TMEM196: variants seen among roughly 807,000 people sequenced by gnomAD.
TMEM196 encodes transmembrane protein 196.
Under a neutral mutation model 20.0 loss-of-function variants are expected in TMEM196, and 17 were observed. That is an observed-to-expected ratio of 0.85 (90% CI 0.58 to 1.27). TMEM196 has a LOEUF of 1.27. Ranked by LOEUF, TMEM196 falls within the 50% of genes most tolerant of loss-of-function variation. The pLI, the probability that TMEM196 is intolerant of heterozygous loss-of-function variation, is 0.00. For missense variants in TMEM196, 267 were observed against 223.0 expected (o/e 1.20, Z -1.26); for synonymous variants, 113 against 88.9 (o/e 1.27, Z -1.52).
rs368789087 is a variant in TMEM196 at position 19,722,101 on chromosome 7, G to C, written c.*27C>G. 6.2e-7 allele frequency: 1 copy of C among 1,610,216 alleles called. No individual in the cohort carries two copies. Among genetic ancestry groups the C allele is most frequent in the Non-Finnish European group, 8.5e-7 (1 of 1,178,262 alleles). On this transcript the variant is annotated 3_prime_UTR_variant, in exon 5 of 5. Transcript: ENST00000405844. ...TACACTCTTCCATTAAATATCAGCTGTGGTCCTCCATTGCTCATGTTGTCT... is the reference window on the plus strand; with the variant it reads ...TACACTCTTCCATTAAATATCAGCTCTGGTCCTCCATTGCTCATGTTGTCT...
chr7:19,733,380 C>T (rs1784280894), intron 1 of TMEM196, among the ~76,000 whole-genome samples: 1 of 152,094 alleles, frequency 6.6e-6, no homozygotes, highest in African/African-American at 2.4e-5. Context: ...GGTTGAGATT[C>T]CAAGACAATG....
At chr7:19,771,554 T>G (rs1402457571) in intron 1 of TMEM196, among the ~76,000 whole-genome samples, 3 of 152,244 alleles carry the variant, frequency 2.0e-5, no homozygotes, top group Non-Finnish European at 4.4e-5. Flanking sequence ...TGGTTAAACA[T>G]GCTACAGATT....
rs1462088749 is a variant in TMEM196, at chr7:19,720,417, T to A, written c.*1711A>T. The A allele has an allele frequency of 3.9e-5, 6 of 152,048 alleles. No homozygotes were observed. The highest frequency in any genetic ancestry group is 1.4e-4 in the African/African-American group (6 of 41,444). The allele number at this position is 152,048 out of a possible 1,614,324, so 9.4% of individuals were successfully genotyped here. ...TGTTAGCACAATTAAAACTCATGTT[T>A]TGTTTATAAATTATATTCTCATACT... On this transcript the variant is annotated 3_prime_UTR_variant, in exon 5 of 5. Transcript: ENST00000405844.
At position 19,725,730 on chromosome 7, in the gene TMEM196, A is replaced by G. The variant is rs774657594; in HGVS notation, c.243T>C (p.Ile81=). 3 of 1,613,038 alleles carry G rather than the reference A, an allele frequency of 1.9e-6. No homozygotes were observed. The highest frequency in any genetic ancestry group is 4.5e-5 in the East Asian group (2 of 44,846). Residue 81 remains isoleucine, a synonymous_variant, in exon 3 of 5, where the codon ATT becomes ATC. Coordinates refer to ENST00000405844, the MANE Select transcript of TMEM196 (RefSeq NM_001363562.2). The part of the protein sequence containing the change: ...LFSACCICGL[I]GGILNFQFLR... ...GGAACTGAAAATTCAGGATGCCCCC[A>G]ATAAGTCCACAGATACAGCAGGCTG...
chr7:19,722,716 C>A lies in TMEM196; in HGVS notation c.534-582G>T, dbSNP rs78235307. On this transcript the variant is annotated intron_variant, in intron 4 of 4. Coordinates refer to ENST00000405844, the MANE Select transcript of TMEM196 (RefSeq NM_001363562.2). ...GTCTCTTAACATGTTTTTAATGGAT[C>A]AATTACTAAAAAGTTAATAAGTAAA... is the stretch of plus-strand genomic sequence containing the variant. Among the ~76,000 whole-genome samples, 7 of 152,130 alleles carry A rather than the reference C, an allele frequency of 4.6e-5. No homozygotes were observed. The East Asian group carries it at 1.4e-3, about 29-fold the overall frequency.
chr7:19,739,187 A>G (rs1483304860), intron 1 of TMEM196, among the ~76,000 whole-genome samples: 2 of 152,296 alleles, frequency 1.3e-5, no homozygotes, highest in East Asian at 3.9e-4. Flanking sequence ...AAGTGAAACT[A>G]TCATTATTTG....
chr7:19,726,788 C>A (rs1187250138), intron 2 of TMEM196, among the ~76,000 whole-genome samples: 1 of 152,006 alleles, frequency 6.6e-6, no homozygotes, highest in Non-Finnish European at 1.5e-5. Context: ...GGTCTAAATT[C>A]TTCTATGGGC....
chr7:19,757,654 T>G lies in TMEM196; in HGVS notation c.147+14896A>C, dbSNP rs1382372446. 2.6e-5 allele frequency among the ~76,000 whole-genome samples: 4 copies of G among 152,238 alleles called. No individual in the cohort carries two copies. In the East Asian group the frequency reaches 7.7e-4, roughly 29 times the overall value. ...TAGCTTGGCTGGAGCTGAAAAGACA[T>G]TAGCAAAATCATGAGTTAAAGTTAC... is the stretch of plus-strand genomic sequence containing the variant. On this transcript the variant is annotated intron_variant, in intron 1 of 4. Transcript: ENST00000405844.
rs761269663 is a variant in TMEM196, at chr7:19,724,323, G to A, written c.490C>T (p.Pro164Ser). ...GTCGGGGGCACCACCGGGCAGCTGG[G>A]CAAGTCGGTTATTTCAATAGCCCTC... is the stretch of plus-strand genomic sequence containing the variant. ...RLRAIEITDL[P>S]SCPVVPPTPE... Residue 164 changes from proline to serine, a missense_variant, in exon 4 of 5, where the codon CCC becomes TCC. Pro to Ser is a moderately conservative substitution (Grantham distance 74). Coordinates refer to ENST00000405844, the MANE Select transcript of TMEM196 (RefSeq NM_001363562.2). 1.3e-6 allele frequency: 2 copies of A among 1,550,328 alleles called. No individual in the cohort carries two copies. Among genetic ancestry groups the A allele is most frequent in the South Asian group, 1.2e-5 (1 of 84,052 alleles).
At position 19,722,131 on chromosome 7, in the gene TMEM196, T is replaced by C. The variant is rs151111372; in HGVS notation, c.537A>G (p.Lys179=). 5.0e-6 allele frequency: 8 copies of C among 1,607,710 alleles called. No homozygotes were observed. The African/African-American group carries it at 6.7e-5, about 13-fold the overall frequency. ...CCTCCATTGCTCATGTTGTCTGTTA[T>C]TTCCTGTTAGAAAAATGACATGATT... The part of the protein sequence containing the change: ...VPPTPELPTR[K] The change falls in exon 5 of 5, where the codon AAA becomes AAG. Residue 179 remains lysine (K), a synonymous_variant. Transcript: ENST00000405844.
intron 1 of TMEM196, among the ~76,000 whole-genome samples, chr7:19,761,936 G>A (rs1487400687): frequency 6.6e-6 from 1 of 152,158 alleles, no homozygotes; most frequent in African/African-American, 2.4e-5. Context: ...TTCATGTAAT[G>A]AAGCTTTCTT....
chr7:19,759,965 C>A (rs942926620), intron 1 of TMEM196, among the ~76,000 whole-genome samples: 2 of 152,122 alleles, frequency 1.3e-5, no homozygotes, highest in Non-Finnish European at 2.9e-5. Context: ...CCAGAATGAC[C>A]TTTATAATCT....
chr7:19,758,656 C>G (rs891062225), intron 1 of TMEM196, among the ~76,000 whole-genome samples: 62 of 152,162 alleles, frequency 4.1e-4, no homozygotes, highest in Non-Finnish European at 5.7e-4. Flanking sequence ...TTGCATGACT[C>G]AATTATAATT....
intron 1 of TMEM196, among the ~76,000 whole-genome samples, chr7:19,731,422 A>G (rs766932079): frequency 7.2e-5 from 11 of 152,116 alleles, no homozygotes; most frequent in Non-Finnish European, 1.2e-4. Context: ...TTCATCTCAC[A>G]TTTTTGAAGG....
In TMEM196 at chr7:19,762,019, A is replaced by T. The variant is rs548970308; in HGVS notation, c.147+10531T>A. Among the ~76,000 whole-genome samples, 33 of 152,154 alleles carry T rather than the reference A, an allele frequency of 2.2e-4. 1 individual carries two copies. The highest frequency in any genetic ancestry group is 1.6e-3 in the Admixed American group (25 of 15,276). Reference sequence around the variant, plus strand: ...ATCGTTTTTTCTTTTTTAAAAAATTATCTCTTGAATATTTTGAGCATGCTA... The same window carrying T: ...ATCGTTTTTTCTTTTTTAAAAAATTTTCTCTTGAATATTTTGAGCATGCTA... On this transcript the variant is annotated intron_variant, in intron 1 of 4. Coordinates refer to ENST00000405844, the MANE Select transcript of TMEM196 (RefSeq NM_001363562.2).
At chr7:19,748,080 C>A (rs974011100) in intron 1 of TMEM196, among the ~76,000 whole-genome samples, 3 of 151,634 alleles carry the variant, frequency 2.0e-5, no homozygotes, top group Non-Finnish European at 2.9e-5. Context: ...TGGTCTCTCC[C>A]ATGCATATTT....
intron 1 of TMEM196, among the ~76,000 whole-genome samples, chr7:19,731,676 G>A (rs2128017224): frequency 6.6e-6 from 1 of 152,282 alleles, no homozygotes; most frequent in East Asian, 1.9e-4. Flanking sequence ...CCCAAGAGGT[G>A]GTCAGGAGCA....
intron 1 of TMEM196, among the ~76,000 whole-genome samples, chr7:19,768,447 A>G (rs955349332): frequency 7.2e-5 from 11 of 152,092 alleles, no homozygotes; most frequent in African/African-American, 2.7e-4. Flanking sequence ...TCTGTGTGCT[A>G]CTAAACCTAG....
At chr7:19,736,398 T>A (rs1044941661) in intron 1 of TMEM196, among the ~76,000 whole-genome samples, 2 of 103,066 alleles carry the variant, frequency 1.9e-5, no homozygotes, top group African/African-American at 3.7e-5. Context: ...TATATATATA[T>A]ATAAATTATC....
Sources: gnomAD v4.1 joint callset for allele counts (sites outside exome capture counted in the v4.1 genomes callset) on GRCh38, gnomAD v4.1.1 for gene constraint, MANE v1.5 for transcripts, NCBI Gene and HGNC (gene_info 2026-07-23, HGNC 2026-07-21) for gene names.